GPM6A: variants seen among roughly 807,000 people sequenced by gnomAD.
GPM6A encodes the protein glycoprotein M6A, also known as neuronal membrane glycoprotein M6-a.
Under a neutral mutation model 32.1 loss-of-function variants are expected in GPM6A, and 7 were observed. The ratio of observed to expected loss-of-function variants is 0.22; its 90% CI spans 0.12 to 0.41. The LOEUF (loss-of-function observed/expected upper bound fraction) is 0.41. Among genes scored for constraint, GPM6A ranks in the 10% least tolerant of loss-of-function variants. The pLI is 1.00. For synonymous variants in GPM6A, 130 were observed against 123.4 expected, an observed-to-expected ratio of 1.05 and a Z score of -0.35; for missense variants, 235 against 347.2, an observed-to-expected ratio of 0.68 and a Z score of 2.57.
At chr4:175,851,886 A>G (rs964612127) in intron 1 of GPM6A, among the ~76,000 whole-genome samples, 1 of 151,710 alleles carries the variant, frequency 6.6e-6, no homozygotes. Flanking sequence ...GTTTTATGCA[A>G]CAGACACATG....
chr4:175,644,604 A>G (rs1289160916), intron 4 of GPM6A, among the ~76,000 whole-genome samples: 1 of 152,036 alleles, frequency 6.6e-6, no homozygotes, highest in Non-Finnish European at 1.5e-5. Flanking sequence ...CTGCAGTGTA[A>G]ATTTGAAAAC....
chr4:175,831,715 CTTTTTTTTTT>C (rs780096379), intron 1 of GPM6A, among the ~76,000 whole-genome samples: 7 of 69,954 alleles, frequency 1.0e-4, no homozygotes, highest in Non-Finnish European at 1.3e-4. Context: ...TTAGCCATCT[CTTTTTTTTTT>C]TTTTTTTTTT....
intron 1 of GPM6A, among the ~76,000 whole-genome samples, chr4:175,766,848 T>C (rs1732990306): frequency 6.6e-6 from 1 of 152,000 alleles, no homozygotes; most frequent in African/African-American, 2.4e-5. Context: ...AGGAACAGGG[T>C]TTCACCATGT....
intron 1 of GPM6A, among the ~76,000 whole-genome samples, chr4:176,001,464 C>G (rs760930364): frequency 6.6e-6 from 1 of 152,192 alleles, no homozygotes; most frequent in South Asian, 2.1e-4. Flanking sequence ...TGGGACCCTG[C>G]GTCCTAGTGC....
intron 1 of GPM6A, among the ~76,000 whole-genome samples, chr4:175,835,640 T>C (rs928988261): frequency 2.0e-5 from 3 of 146,790 alleles, no homozygotes; most frequent in African/African-American, 7.5e-5. Context: ...TATATATATA[T>C]ATATATATAT....
At chr4:175,749,476 T>C (rs1327974440) in intron 1 of GPM6A, among the ~76,000 whole-genome samples, 3 of 152,152 alleles carry the variant, frequency 2.0e-5, no homozygotes, top group Non-Finnish European at 4.4e-5. Flanking sequence ...AAGTTAAGCA[T>C]AATAAAATAA....
intron 1 of GPM6A, among the ~76,000 whole-genome samples, chr4:175,938,531 G>A (rs547995818): frequency 6.6e-6 from 1 of 151,766 alleles, no homozygotes; most frequent in Non-Finnish European, 1.5e-5. Context: ...TTCTGTTTGT[G>A]GGCTGCATAA....
chr4:175,945,558 T>G (rs1358972816), intron 1 of GPM6A, among the ~76,000 whole-genome samples: 5 of 151,874 alleles, frequency 3.3e-5, no homozygotes, highest in Non-Finnish European at 7.4e-5. Context: ...GCACCCATAT[T>G]ACTTAGTTGT....
chr4:175,889,708 G>A (rs1277339726), intron 1 of GPM6A, among the ~76,000 whole-genome samples: 3 of 152,026 alleles, frequency 2.0e-5, no homozygotes, highest in African/African-American at 2.4e-5. Flanking sequence ...AGCTACTCGG[G>A]AGGCTGAGGC....
chr4:175,896,853 T>A (rs1737808198), intron 1 of GPM6A, among the ~76,000 whole-genome samples: 1 of 152,204 alleles, frequency 6.6e-6, no homozygotes, highest in African/African-American at 2.4e-5. Flanking sequence ...GACAGGACTT[T>A]TGGTTCATTT....
chr4:175,906,256 T>A (rs754643067), intron 1 of GPM6A, among the ~76,000 whole-genome samples: 3 of 152,090 alleles, frequency 2.0e-5, no homozygotes, highest in Non-Finnish European at 4.4e-5. Context: ...AGCATCAGAT[T>A]AGAGGATGAC....
chr4:175,761,857 T>C lies in GPM6A; in HGVS notation c.37+50334A>G, dbSNP rs115580043. On this transcript the variant is annotated intron_variant, in intron 1 of 6. Transcript: ENST00000393658. ...TTGCCCAGGCTGGAATGCAATGGCA[T>C]GATCACGGCTCACTCCAACCTTTGC... Among the ~76,000 whole-genome samples, 226 of 151,976 alleles carry C rather than the reference T, an allele frequency of 1.5e-3. 1 individual carries two copies. The highest frequency in any genetic ancestry group is 5.1e-3 in the African/African-American group (213 of 41,462).
chr4:175,837,206 A>G (rs1452286605), intron 1 of GPM6A, among the ~76,000 whole-genome samples: 2 of 152,160 alleles, frequency 1.3e-5, no homozygotes, highest in Non-Finnish European at 2.9e-5. Context: ...CAAGGAATAC[A>G]GGGAACCTCT....
At chr4:175,715,780 T>C (rs1745809447) in intron 1 of GPM6A, among the ~76,000 whole-genome samples, 1 of 152,076 alleles carries the variant, frequency 6.6e-6, no homozygotes, top group Admixed American at 6.6e-5. Flanking sequence ...GAATTTGTAT[T>C]TTCTGTCCGG....
chr4:175,998,126 G>C (rs923673419), intron 1 of GPM6A, among the ~76,000 whole-genome samples: 1 of 150,692 alleles, frequency 6.6e-6, no homozygotes, highest in Admixed American at 6.6e-5. Context: ...AAATATTTGT[G>C]TTTAGATGTC....
intron 1 of GPM6A, among the ~76,000 whole-genome samples, chr4:175,724,418 C>A (rs1198809184): frequency 6.6e-6 from 1 of 152,106 alleles, no homozygotes; most frequent in Non-Finnish European, 1.5e-5. Context: ...ATGGTGGATG[C>A]CTGTAATCCC....
chr4:175,980,156 T>TG (rs1433199797), intron 1 of GPM6A, among the ~76,000 whole-genome samples: 1 of 152,136 alleles, frequency 6.6e-6, no homozygotes, highest in Non-Finnish European at 1.5e-5. Flanking sequence ...GCCCACTAGT[T>TG]GGAGACCAGC....
chr4:175,665,474 T>C (rs1166666473), intron 3 of GPM6A, among the ~76,000 whole-genome samples: 1 of 152,028 alleles, frequency 6.6e-6, no homozygotes, highest in East Asian at 1.9e-4. Context: ...TAAAGTCAAA[T>C]TATATAAAAA....
At chr4:175,941,470 ATGGTGGTTTGCTG>A (rs1403351479) in intron 1 of GPM6A, among the ~76,000 whole-genome samples, 71 of 152,212 alleles carry the variant, frequency 4.7e-4, no homozygotes, top group African/African-American at 1.6e-3. Context: ...TACACATGCC[ATGGTGGTTTGCTG>A]CACCCATCAA....
Sources: gnomAD v4.1 joint callset for allele counts (sites outside exome capture counted in the v4.1 genomes callset) on GRCh38, gnomAD v4.1.1 for gene constraint, MANE v1.5 for transcripts, NCBI Gene and HGNC (gene_info 2026-07-23, HGNC 2026-07-21) for gene names.